Variants in CRACDL observed in about 807,000 individuals in gnomAD.
CRACDL encodes CRACD like.
A neutral mutation model predicts 70.6 loss-of-function variants in CRACDL; 26 were observed. The observed-to-expected ratio is 0.37, with a 90% confidence interval of 0.27 to 0.51. The LOEUF is 0.51. Among genes scored for constraint, CRACDL ranks in the 20% least tolerant of loss-of-function variants. The pLI, the probability that CRACDL is intolerant of heterozygous loss-of-function variation, is 0.94. For synonymous variants in CRACDL, 618 were observed against 615.2 expected (o/e 1.00, Z -0.07); for missense variants, 1,283 against 1,376.9 (o/e 0.93, Z 1.08).
chr2:98,845,877 G>A (rs559548033), intron 2 of CRACDL, among the ~76,000 whole-genome samples: 1 of 152,208 alleles, frequency 6.6e-6, no homozygotes, highest in Admixed American at 6.5e-5. Context: ...GTTCTAATAT[G>A]AAATAATAAG....
chr2:98,887,011 C>A (rs1054117531), intron 1 of CRACDL, among the ~76,000 whole-genome samples: 1 of 151,992 alleles, frequency 6.6e-6, no homozygotes, highest in Non-Finnish European at 1.5e-5. Flanking sequence ...ATAGACAATA[C>A]ACATAAGGAA....
In CRACDL at chr2:98,821,877, C is replaced by G. The variant is rs749820125; in HGVS notation, c.2396G>C (p.Arg799Thr). The G allele has an allele frequency of 1.2e-6, 2 of 1,607,190 alleles. No individual in the cohort carries two copies. The highest frequency in any genetic ancestry group is 2.2e-5 in the South Asian group (2 of 90,540). Residue 799 changes from arginine to threonine, a missense_variant, in exon 7 of 10, where the codon AGG (arginine) becomes ACG (threonine). Physicochemically the swap from Arg to Thr is moderately conservative, Grantham distance 71. Coordinates refer to ENST00000397899, the MANE Select transcript of CRACDL (RefSeq NM_207362.3). ...CTTACCAGCTCCCCTGCGCAGCGGCCTTTTCTCCGCCGTCCTGGGCTCCTT... is the reference window on the plus strand; with the variant it reads ...CTTACCAGCTCCCCTGCGCAGCGGCGTTTTCTCCGCCGTCCTGGGCTCCTT... ...PRKEPRTAEK[R>T]PLRRGAEKSL...
rs1157269183 is a variant in CRACDL, at chr2:98,833,136, C to T, written c.240-139G>A. The T allele has an allele frequency of 9.0e-6, 7 of 781,910 alleles. No individual in the cohort carries two copies. The East Asian group carries it at 1.6e-4, about 17-fold the overall frequency. The allele number at this position is 781,910 out of a possible 1,614,324, so 48.4% of individuals were successfully genotyped here. Reference sequence around the variant, plus strand: ...CTGCTGCATTTACATTTCAGTGGTCCCTGACTTCAGTTCATCCACACGCTG... The same window carrying T: ...CTGCTGCATTTACATTTCAGTGGTCTCTGACTTCAGTTCATCCACACGCTG... On this transcript the variant is annotated intron_variant, in intron 3 of 9. Transcript: ENST00000397899.
chr2:98,832,291 C>T (rs199845604), intron 5 of CRACDL, 57 bp downstream of exon 5: 1 of 1,593,930 alleles, frequency 6.3e-7, no homozygotes, highest in South Asian at 1.1e-5. Flanking sequence ...CTCAGAGCTC[C>T]AGCACCCTCC....
At chr2:98,891,376 CAAAAAAAAAAAAA>C (rs548988640) in intron 1 of CRACDL, among the ~76,000 whole-genome samples, 114 of 37,902 alleles carry the variant, frequency 3.0e-3, no homozygotes, top group African/African-American at 0.011. Context: ...GACTCCGTCT[CAAAAAAAAAAAAA>C]AAAAAAAAAA....
At chr2:98,888,049 G>T (rs755816468) in intron 1 of CRACDL, among the ~76,000 whole-genome samples, 18 of 152,252 alleles carry the variant, frequency 1.2e-4, no homozygotes, top group Middle Eastern at 3.4e-3. Flanking sequence ...AGTTTAAGAT[G>T]ATTAATTTTA....
chr2:98,924,900 C>A (rs1320572946), intron 1 of CRACDL, among the ~76,000 whole-genome samples: 1 of 152,250 alleles, frequency 6.6e-6, no homozygotes, highest in East Asian at 1.9e-4. Flanking sequence ...CATTTCCACA[C>A]AAATGCTTGC....
At chr2:98,815,492 T>C (rs1333765028) in intron 7 of CRACDL, among the ~76,000 whole-genome samples, 1 of 152,226 alleles carries the variant, frequency 6.6e-6, no homozygotes, top group Non-Finnish European at 1.5e-5. Context: ...CACCTTCTTG[T>C]GACTGGGACC....
At chr2:98,864,108 A>G (rs1001742046) in intron 1 of CRACDL, among the ~76,000 whole-genome samples, 4 of 152,214 alleles carry the variant, frequency 2.6e-5, no homozygotes, top group African/African-American at 7.2e-5. Context: ...CTGTACACCA[A>G]TGTTCATAGC....
At chr2:98,803,914 G>A (rs1704184636) in intron 7 of CRACDL, among the ~76,000 whole-genome samples, 1 of 152,124 alleles carries the variant, frequency 6.6e-6, no homozygotes. Flanking sequence ...GACTTCTGGG[G>A]CAGAGGTGGG....
chr2:98,794,412 C>T lies in CRACDL; in HGVS notation c.*120G>A, dbSNP rs1703714169. 4.2e-6 allele frequency: 4 copies of T among 949,490 alleles called. No homozygotes were observed. In the South Asian group the frequency reaches 6.5e-5, roughly 15 times the overall value. The allele number at this position is 949,490 out of a possible 1,614,324, so 58.8% of individuals were successfully genotyped here. On this transcript the variant is annotated 3_prime_UTR_variant, in exon 10 of 10. Coordinates refer to ENST00000397899, the MANE Select transcript of CRACDL (RefSeq NM_207362.3). ...GTTCCTTCCTCTTCCCCAAGTTCGT[C>T]ATAACTTGATGATAAAATCAATCTT... is the stretch of plus-strand genomic sequence containing the variant.
intron 1 of CRACDL, among the ~76,000 whole-genome samples, chr2:98,857,849 A>T (rs1024522271): frequency 6.6e-6 from 1 of 152,182 alleles, no homozygotes; most frequent in Non-Finnish European, 1.5e-5. Context: ...GTGTATGTGT[A>T]TGTGTGTATA....
chr2:98,793,954 A>C lies in CRACDL; in HGVS notation c.*578T>G, dbSNP rs1295319253. ...ATTTTTGGAAACAGTCTATGAATTG[A>C]TGAACCCTGCCGTGTTCCTTCATCT... On this transcript the variant is annotated 3_prime_UTR_variant, in exon 10 of 10. Coordinates refer to ENST00000397899, the MANE Select transcript of CRACDL (RefSeq NM_207362.3). 6.5e-6 allele frequency: 1 copy of C among 152,696 alleles called. No individual in the cohort carries two copies. The highest frequency in any genetic ancestry group is 1.5e-5 in the Non-Finnish European group (1 of 68,076). 9.5% of individuals were successfully genotyped at this position (152,696 alleles called of 1,614,324 possible).
intron 7 of CRACDL, among the ~76,000 whole-genome samples, chr2:98,808,625 A>G (rs1375502713): frequency 2.6e-5 from 4 of 152,090 alleles, no homozygotes; most frequent in African/African-American, 9.7e-5. Flanking sequence ...ATCTACCCCC[A>G]GGGCTGCCCA....
At chr2:98,901,060 T>C (rs1408891179) in intron 1 of CRACDL, among the ~76,000 whole-genome samples, 1 of 152,188 alleles carries the variant, frequency 6.6e-6, no homozygotes, top group African/African-American at 2.4e-5. Flanking sequence ...GGGTCAAGCA[T>C]GTAAAAGCAC....
chr2:98,918,506 C>T (rs1708720200), intron 1 of CRACDL, among the ~76,000 whole-genome samples: 2 of 140,144 alleles, frequency 1.4e-5, no homozygotes, highest in South Asian at 2.3e-4. Flanking sequence ...CCATTGCACT[C>T]CAGCCTGGGC....
At chr2:98,917,165 C>T (rs765858547) in intron 1 of CRACDL, among the ~76,000 whole-genome samples, 7 of 152,206 alleles carry the variant, frequency 4.6e-5, no homozygotes, top group African/African-American at 2.4e-5. Context: ...ACTAAGCATC[C>T]TTTAGAAATG....
At chr2:98,930,942 ATGTG>A (rs140634438) in intron 1 of CRACDL, among the ~76,000 whole-genome samples, 8 of 149,738 alleles carry the variant, frequency 5.3e-5, no homozygotes, top group Admixed American at 2.0e-4. Context: ...ATGCTCATGT[ATGTG>A]TGTGTGTGTG....
chr2:98,907,247 G>A (rs371930711), intron 1 of CRACDL, among the ~76,000 whole-genome samples: 2 of 152,182 alleles, frequency 1.3e-5, no homozygotes, highest in East Asian at 3.8e-4. Flanking sequence ...AGCCAAGATC[G>A]CGCCATTGCA....
Sources: gnomAD v4.1 joint callset for allele counts (sites outside exome capture counted in the v4.1 genomes callset) on GRCh38, gnomAD v4.1.1 for gene constraint, MANE v1.5 for transcripts, NCBI Gene and HGNC (gene_info 2026-07-23, HGNC 2026-07-21) for gene names.